ADK: variants seen among roughly 807,000 people sequenced by gnomAD.
ADK encodes the protein adenosine kinase, also known as N6,N6-dimethyladenosine kinase.
ADK carries 24 observed loss-of-function variants against 44.7 expected under a neutral mutation model. The ratio of observed to expected loss-of-function variants is 0.54; its 90% CI spans 0.39 to 0.76. The LOEUF (loss-of-function observed/expected upper bound fraction) is 0.76, where lower values mean the gene tolerates loss of function less well. Among genes scored for constraint, ADK ranks in the 30% least tolerant of loss-of-function variants. The probability of loss-of-function intolerance (pLI) is 0.00; values close to 1 mark genes in which losing one functional copy is unlikely to be tolerated. For missense variants in ADK, 321 were observed against 425.1 expected, an observed-to-expected ratio of 0.76 and a Z score of 2.15; for synonymous variants, 128 against 142.6, an observed-to-expected ratio of 0.90 and a Z score of 0.73.
chr10:74,318,748 A>T (rs1840713319), intron 4 of ADK, among the ~76,000 whole-genome samples: 1 of 152,230 alleles, frequency 6.6e-6, no homozygotes, highest in Non-Finnish European at 1.5e-5. Flanking sequence ...AACACAAGGG[A>T]TATGATTCAT....
intron 9 of ADK, among the ~76,000 whole-genome samples, chr10:74,623,393 G>C (rs1853068509): frequency 6.6e-6 from 1 of 151,948 alleles, no homozygotes; most frequent in Non-Finnish European, 1.5e-5. Flanking sequence ...AACACCAATA[G>C]GCTTTAGTAG....
intron 3 of ADK, among the ~76,000 whole-genome samples, chr10:74,267,752 ATTTG>A (rs1257387807): frequency 1.6e-5 from 1 of 62,772 alleles, no homozygotes; most frequent in African/African-American, 5.0e-5. Context: ...TTATATCCTT[ATTTG>A]TGTGTGTGTG....
In ADK at chr10:74,493,509, TATATAG is replaced by T. The variant is rs546832501; in HGVS notation, c.556-31725_556-31720del. Among the ~76,000 whole-genome samples the T allele has an allele frequency of 7.6e-3, 1,154 of 151,332 alleles. 13 individuals carry two copies. Among genetic ancestry groups the T allele is most frequent in the East Asian group, 0.021 (108 of 5,152 alleles). ...ATATAGATATAGAGAGAGATATAGATATATAGATATAGATATAGATATAGATAGACA... is the reference window on the plus strand; with the variant it reads ...ATATAGATATAGAGAGAGATATAGATATATAGATATAGATATAGATAGACA... On this transcript the variant is annotated intron_variant, in intron 6 of 10. Coordinates refer to ENST00000539909, the MANE Select transcript of ADK (RefSeq NM_006721.4).
chr10:74,261,339 G>A (rs918043615), intron 3 of ADK, among the ~76,000 whole-genome samples: 12 of 151,934 alleles, frequency 7.9e-5, no homozygotes, highest in Admixed American at 2.0e-4. Context: ...TCATAGGTTC[G>A]AAACTCAATA....
At chr10:74,489,181 A>G (rs1847378972) in intron 6 of ADK, among the ~76,000 whole-genome samples, 1 of 151,980 alleles carries the variant, frequency 6.6e-6, no homozygotes, top group Non-Finnish European at 1.5e-5. Context: ...ATATTAAAAG[A>G]AAGTTCATAT....
chr10:74,493,448 A>ATATC (rs1554869293), intron 6 of ADK, among the ~76,000 whole-genome samples: 7 of 150,280 alleles, frequency 4.7e-5, no homozygotes, highest in African/African-American at 1.7e-4. Flanking sequence ...ATATATATAT[A>ATATC]TCTCATCTAT....
chr10:74,523,188 T>C (rs1241957534), intron 6 of ADK, among the ~76,000 whole-genome samples: 1 of 152,242 alleles, frequency 6.6e-6, no homozygotes, highest in Admixed American at 6.5e-5. Flanking sequence ...TGAGTTGCTG[T>C]ATAGTATAGT....
At position 74,367,399 on chromosome 10, in the gene ADK, T is replaced by A. The variant is rs144656993; in HGVS notation, c.274-26742T>A. On this transcript the variant is annotated intron_variant, in intron 4 of 10. Transcript: ENST00000539909. ...GGTCCATAAGTCCATGAAATTACAG[T>A]TTTTTAACATGAATTTTTCTGAGGA... Among the ~76,000 whole-genome samples the A allele has an allele frequency of 2.4e-3, 365 of 152,320 alleles. 2 individuals carry two copies. The highest frequency in any genetic ancestry group is 8.3e-3 in the African/African-American group (347 of 41,566).
chr10:74,214,546 A>G (rs1419462561), intron 2 of ADK, among the ~76,000 whole-genome samples: 1 of 152,216 alleles, frequency 6.6e-6, no homozygotes, highest in South Asian at 2.1e-4. Context: ...CTTGACATTA[A>G]CTGTGCAACA....
intron 1 of ADK, among the ~76,000 whole-genome samples, chr10:74,153,569 G>T (rs1841671585): frequency 6.6e-6 from 1 of 152,216 alleles, no homozygotes; most frequent in Non-Finnish European, 1.5e-5. Flanking sequence ...TTAGGGGAAA[G>T]AAGGGAACGT....
At chr10:74,168,496 G>A (rs1411260938) in intron 1 of ADK, among the ~76,000 whole-genome samples, 3 of 139,966 alleles carry the variant, frequency 2.1e-5, no homozygotes, top group Non-Finnish European at 4.6e-5. Flanking sequence ...CCGAGATCGC[G>A]CCACTGCACT....
At chr10:74,527,854 G>T in intron 7 of ADK, 1 of 1,000,254 alleles carries the variant, frequency 1.0e-6, no homozygotes, top group Non-Finnish European at 1.6e-6. Context: ...GAAGCTGCCA[G>T]CCAGATCTCT....
intron 1 of ADK, among the ~76,000 whole-genome samples, chr10:74,180,303 T>TCTCGG (rs1027053537): frequency 6.6e-6 from 1 of 150,784 alleles, no homozygotes; most frequent in African/African-American, 2.4e-5. Flanking sequence ...AGTGGCGCGA[T>TCTCGG]CTCGGCTCAT....
intron 6 of ADK, among the ~76,000 whole-genome samples, chr10:74,457,428 A>G (rs1262503477): frequency 6.6e-6 from 1 of 152,230 alleles, no homozygotes; most frequent in Non-Finnish European, 1.5e-5. Flanking sequence ...GTGGGAGTGT[A>G]AATTAGTTCA....
At chr10:74,253,975 C>T (rs965120011) in intron 3 of ADK, among the ~76,000 whole-genome samples, 2 of 151,918 alleles carry the variant, frequency 1.3e-5, no homozygotes, top group South Asian at 2.1e-4. Context: ...CCATGTTGGC[C>T]GGGCTGGTCA....
In ADK at chr10:74,585,031, A is replaced by G. The variant is rs139684701; in HGVS notation, c.727-4251A>G. 2.3e-4 allele frequency among the ~76,000 whole-genome samples: 35 copies of G among 152,320 alleles called. 1 individual carries two copies. The highest frequency in any genetic ancestry group is 6.8e-3 in the Middle Eastern group (2 of 294). ...TTGTCTTTCATATACGCAAACATGC[A>G]CTTGAGTTTCTTTCCTTTCCTGCAT... On this transcript the variant is annotated intron_variant, in intron 7 of 10. Transcript: ENST00000539909.
In ADK at chr10:74,265,219, AT is replaced by A. The variant is rs778762194; in HGVS notation, c.194+40643del. ...GGAATTTATAATATAAAATACTACA[AT>A]TTTTTTTTTTTTTTGAGACGGAGTC... On this transcript the variant is annotated intron_variant, in intron 3 of 10. Transcript: ENST00000539909. 3.2e-3 allele frequency among the ~76,000 whole-genome samples: 456 copies of A among 144,528 alleles called. 4 individuals are homozygous for A. The highest frequency in any genetic ancestry group is 0.018 in the East Asian group (92 of 5,010). 94.8% of individuals were successfully genotyped at this position (144,528 alleles called of 152,430 possible).
intron 10 of ADK, among the ~76,000 whole-genome samples, chr10:74,674,579 C>G (rs1415377114): frequency 2.6e-5 from 4 of 151,952 alleles, no homozygotes; most frequent in African/African-American, 7.3e-5. Context: ...GGATCAAAGA[C>G]TTAAATGTAA....
chr10:74,329,178 A>G (rs1841132507), intron 4 of ADK, among the ~76,000 whole-genome samples: 2 of 146,606 alleles, frequency 1.4e-5, no homozygotes, highest in African/African-American at 5.0e-5. Context: ...CTACCCTTCC[A>G]TTTTGCAAGC....
Sources: gnomAD v4.1 joint callset for allele counts (sites outside exome capture counted in the v4.1 genomes callset) on GRCh38, gnomAD v4.1.1 for gene constraint, MANE v1.5 for transcripts, NCBI Gene and HGNC (gene_info 2026-07-23, HGNC 2026-07-21) for gene names.